AMOT: variants seen among roughly 807,000 people sequenced by gnomAD.
AMOT encodes angiomotin.
A neutral mutation model predicts 67.0 loss-of-function variants in AMOT; 11 were observed. The observed-to-expected ratio is 0.16, with a 90% CI of 0.10 to 0.27. The LOEUF is 0.27. AMOT is among the 10% of genes least tolerant of loss of function. The pLI is 1.00. For synonymous variants in AMOT, 326 were observed against 321.4 expected, an observed-to-expected ratio of 1.01 and a Z score of -0.15; for missense variants, 753 against 852.0, an observed-to-expected ratio of 0.88 and a Z score of 1.45.
chrX:112,806,405 A>C lies in AMOT; in HGVS notation c.1631-1313T>G, dbSNP rs779619543. ...TATACTTGCATATATACAAAAACGT[A>C]TGTGTGTATATAAATACTTGCATGT... is the stretch of plus-strand genomic sequence containing the variant. On this transcript the variant is annotated intron_variant, in intron 7 of 13. Coordinates refer to ENST00000371959, the MANE Select transcript of AMOT (RefSeq NM_001113490.2). 3.7e-5 allele frequency among the ~76,000 whole-genome samples: 4 copies of C among 107,548 alleles called. No homozygotes were observed. In the East Asian group the frequency reaches 1.2e-3, roughly 32 times the overall value. 93.4% of individuals were successfully genotyped at this position (107,548 alleles called of 115,157 possible).
chrX:112,830,142 A>C (rs591816), intron 2 of AMOT, among the ~76,000 whole-genome samples: 31,710 of 110,996 alleles, frequency 0.29, 5,949 homozygotes, highest in African/African-American at 0.69. Flanking sequence ...CTTATAATCC[A>C]AGCACCTCAA....
Position 112,822,695 on chromosome X carries a change from C to T in AMOT, c.432G>A (p.Glu144=). 8.6e-7 allele frequency: 1 copy of T among 1,166,385 alleles called. No homozygotes were observed. The highest frequency in any genetic ancestry group is 3.3e-5 in the East Asian group (1 of 30,741). ...TGVTNQKMRT[E]GRPSVQRLNP... ...TGAGCCGCTGAACTGATGGGCGTCC[C>T]TCAGTCCTCATCTTCTGGTTGGTGA... The change falls in exon 4 of 14, where the codon GAG becomes GAA. Residue 144 remains glutamate, a synonymous_variant. Transcript: ENST00000371959.
chrX:112,780,791 A>G, intron 12 of AMOT, 95 bp downstream of exon 12: 2 of 953,180 alleles, frequency 2.1e-6, no homozygotes, highest in Non-Finnish European at 2.9e-6. Context: ...CCTCTCTAGA[A>G]CCTGGACCAT....
intron 8 of AMOT, among the ~76,000 whole-genome samples, chrX:112,801,214 A>C (rs1441201362): frequency 9.0e-6 from 1 of 111,459 alleles, no homozygotes; most frequent in Admixed American, 9.6e-5. Context: ...CAGCGAGGTC[A>C]AATTGGTAGG....
intron 1 of AMOT, among the ~76,000 whole-genome samples, chrX:112,836,533 C>A (rs1055699751): frequency 3.6e-5 from 4 of 110,954 alleles, no homozygotes; most frequent in African/African-American, 6.6e-5. Flanking sequence ...TTGTATATAT[C>A]TGTGGCTCCA....
chrX:112,804,836 C>T lies in AMOT; in HGVS notation c.1776+111G>A, dbSNP rs1037605915. 84 of 1,053,739 alleles carry T rather than the reference C, an allele frequency of 8.0e-5. No individual in the cohort carries two copies. The South Asian group carries it at 1.8e-3, about 23-fold the overall frequency. The allele number at this position is 1,053,739 out of a possible 1,213,427, so 86.8% of individuals were successfully genotyped here. On this transcript the variant is annotated intron_variant, in intron 8 of 13. Coordinates refer to ENST00000371959, the MANE Select transcript of AMOT (RefSeq NM_001113490.2). ...GGAAACTAGGAGCAGCAGATGGCAC[C>T]TCCCTTCTGGGGATTATGCAGCTGC...
intron 10 of AMOT, among the ~76,000 whole-genome samples, chrX:112,784,538 G>C (rs762830023): frequency 8.9e-6 from 1 of 112,000 alleles, no homozygotes; most frequent in South Asian, 3.7e-4. Flanking sequence ...AGTCAGTTAC[G>C]ACTGTGTCAC....
chrX:112,804,910 C>A, intron 8 of AMOT, 37 bp downstream of exon 8: 4 of 1,133,626 alleles, frequency 3.5e-6, no homozygotes, highest in East Asian at 3.2e-5. Flanking sequence ...CCAGCCCTCC[C>A]ACCCCCAGGC....
At position 112,822,275 on chromosome X, in the gene AMOT, G is replaced by C. The variant is rs1021381844; in HGVS notation, c.852C>G (p.Pro284=). 1.8e-6 allele frequency: 2 copies of C among 1,105,916 alleles called. No homozygotes were observed. The highest frequency in any genetic ancestry group is 2.4e-6 in the Non-Finnish European group (2 of 843,331). The allele number at this position is 1,105,916 out of a possible 1,213,427, so 91.1% of individuals were successfully genotyped here. Residue 284 remains proline (P), a synonymous_variant, in exon 4 of 14, where the codon CCC becomes CCG. Transcript: ENST00000371959. ...CTTACCTGGCTGCTCCATACTCAGG[G>C]GGATGCTGATACCTCATCAGTTGCC... ...TEGQLMRYQH[P]PEYGAARPAQ...
Position 112,815,667 on chromosome X carries a change from A to G in AMOT, c.1083T>C (p.Ala361=). 2 of 1,178,290 alleles carry G rather than the reference A, an allele frequency of 1.7e-6. No individual in the cohort carries two copies. Among genetic ancestry groups the G allele is most frequent in the African/African-American group, 1.8e-5 (1 of 56,387 alleles). The change falls in exon 5 of 14, where the codon GCT becomes GCC. Residue 361 remains alanine, a synonymous_variant. Coordinates refer to ENST00000371959, the MANE Select transcript of AMOT (RefSeq NM_001113490.2). ...RPQQHFLPNQ[A]HQGDHYRLSQ... is the part of the protein sequence containing the mutation. ...AGAGACGGTAATGATCCCCCTGGTG[A>G]GCCTGATTAGGAAGGAAATGCTGCT...
At chrX:112,791,318 G>A (rs1933577510) in intron 9 of AMOT, among the ~76,000 whole-genome samples, 1 of 110,978 alleles carries the variant, frequency 9.0e-6, no homozygotes, top group Admixed American at 9.6e-5. Flanking sequence ...GAACATGGAA[G>A]GTGGAGGTTG....
intron 10 of AMOT, among the ~76,000 whole-genome samples, chrX:112,785,253 A>G (rs1933328443): frequency 8.9e-6 from 1 of 112,284 alleles, no homozygotes; most frequent in Non-Finnish European, 1.9e-5. Context: ...ATTCTTAAGT[A>G]AACAGTTTGT....
chrX:112,784,732 A>T (rs1290223858), intron 10 of AMOT, among the ~76,000 whole-genome samples: 1 of 112,657 alleles, frequency 8.9e-6, no homozygotes, highest in Admixed American at 9.3e-5. Flanking sequence ...AGCTCTTGGT[A>T]AAATCCTGGA....
intron 5 of AMOT, among the ~76,000 whole-genome samples, chrX:112,812,171 G>A (rs184781405): frequency 8.9e-6 from 1 of 111,877 alleles, no homozygotes; most frequent in African/African-American, 3.3e-5. Flanking sequence ...TCTGAGAAGA[G>A]GTGGCATTTA....
chrX:112,796,364 G>A (rs946509763), intron 8 of AMOT, among the ~76,000 whole-genome samples: 29 of 112,018 alleles, frequency 2.6e-4, no homozygotes, highest in African/African-American at 9.4e-4. Flanking sequence ...CCAAGATAGT[G>A]GTTCGAGTGT....
chrX:112,810,221 T>A lies in AMOT; in HGVS notation c.1538-235A>T, dbSNP rs147479898. ...CCTCACTGCCAAAACCTAAGTTAAG[T>A]GCAGAATTCTAAATTTCAATGAAAT... On this transcript the variant is annotated intron_variant, in intron 6 of 13. Coordinates refer to ENST00000371959, the MANE Select transcript of AMOT (RefSeq NM_001113490.2). Among the ~76,000 whole-genome samples, 1,217 of 111,706 alleles carry A rather than the reference T, an allele frequency of 0.011. 26 individuals are homozygous for A. Among genetic ancestry groups the A allele is most frequent in the East Asian group, 0.085 (302 of 3,533 alleles).
At position 112,835,043 on chromosome X, in the gene AMOT, T is replaced by C. The variant is rs373114712; in HGVS notation, c.-288-2673A>G. Among the ~76,000 whole-genome samples the C allele has an allele frequency of 1.2e-4, 13 of 112,251 alleles. No homozygotes were observed. The East Asian group carries it at 3.1e-3, about 27-fold the overall frequency. ...ACTGTATGTTATAAGAGAGCAAAGCTCATTAAAAAGGAACACCTGCTCAAG... is the reference window on the plus strand; with the variant it reads ...ACTGTATGTTATAAGAGAGCAAAGCCCATTAAAAAGGAACACCTGCTCAAG... On this transcript the variant is annotated intron_variant, in intron 1 of 13. Coordinates refer to ENST00000371959, the MANE Select transcript of AMOT (RefSeq NM_001113490.2).
In AMOT at chrX:112,778,266, C is replaced by T. The variant is rs1486168563; in HGVS notation, c.*301G>A. 1.1e-5 allele frequency: 2 copies of T among 177,549 alleles called. No homozygotes were observed. The highest frequency in any genetic ancestry group is 2.1e-5 in the Non-Finnish European group (2 of 94,891). 14.6% of individuals were successfully genotyped at this position (177,549 alleles called of 1,213,427 possible). The stretch of plus-strand genomic sequence containing the variant: ...TATGGAAAATTTAAACAAATTTAAG[C>T]ACATTGAAAACGTCGATGTATAGCC... On this transcript the variant is annotated 3_prime_UTR_variant, in exon 14 of 14. Transcript: ENST00000371959.
chrX:112,815,688 C>T lies in AMOT; in HGVS notation c.1062G>A (p.Gln354=). 1 of 1,170,699 alleles carries T rather than the reference C, an allele frequency of 8.5e-7. No individual in the cohort carries two copies. The highest frequency in any genetic ancestry group is 1.9e-5 in the South Asian group (1 of 53,067). Reference sequence around the variant, plus strand: ...GGTGAGCCTGATTAGGAAGGAAATGCTGCTGCGGCCTAGGCAGGTGAGCTG... The same window carrying T: ...GGTGAGCCTGATTAGGAAGGAAATGTTGCTGCGGCCTAGGCAGGTGAGCTG... ...DHSAHLPRPQ[Q]HFLPNQAHQG... is the part of the protein sequence containing the mutation. Residue 354 remains glutamine, a synonymous_variant, in exon 5 of 14, where the codon CAG becomes CAA. Coordinates refer to ENST00000371959, the MANE Select transcript of AMOT (RefSeq NM_001113490.2).
Sources: allele counts gnomAD v4.1 joint callset (sites outside exome capture counted in the v4.1 genomes callset), GRCh38; gene constraint gnomAD v4.1.1; transcripts MANE v1.5; gene names NCBI Gene and HGNC (gene_info 2026-07-23, HGNC 2026-07-21).